ZNF385D: variants seen among roughly 807,000 people sequenced by gnomAD.
ZNF385D encodes zinc finger protein 659.
A neutral mutation model predicts 35.8 loss-of-function variants in ZNF385D; 15 were observed. The observed-to-expected ratio is 0.42, with a 90% confidence interval of 0.28 to 0.64. The LOEUF (loss-of-function observed/expected upper bound fraction) is 0.64, where lower values mean the gene tolerates loss of function less well. ZNF385D is among the 30% of genes least tolerant of loss of function. The pLI is 0.23. For synonymous variants in ZNF385D, 212 were observed against 186.8 expected (o/e 1.13, Z -1.10); for missense variants, 474 against 494.6 (o/e 0.96, Z 0.39).
intron 2 of ZNF385D, among the ~76,000 whole-genome samples, chr3:21,663,561 G>A (rs1049556567): frequency 1.3e-5 from 2 of 151,988 alleles, no homozygotes; most frequent in African/African-American, 2.4e-5. Context: ...GGGGATTTCA[G>A]TGTAGTCATT....
At chr3:21,886,011 G>A (rs983116006) in intron 3 of ZNF385D, among the ~76,000 whole-genome samples, 2 of 151,998 alleles carry the variant, frequency 1.3e-5, no homozygotes. Flanking sequence ...TCTTATCCAA[G>A]AAAAAACACC....
At chr3:22,120,747 C>A (rs780404554) in intron 3 of ZNF385D, among the ~76,000 whole-genome samples, 3 of 152,114 alleles carry the variant, frequency 2.0e-5, no homozygotes, top group Admixed American at 6.6e-5. Context: ...AAAACAAAAA[C>A]CTCTATGAGG....
intron 2 of ZNF385D, among the ~76,000 whole-genome samples, chr3:22,242,726 A>T (rs1299626265): frequency 6.6e-6 from 1 of 151,170 alleles, no homozygotes; most frequent in African/African-American, 2.4e-5. Context: ...CAATCACTAA[A>T]ATATGAATAA....
chr3:22,255,776 A>C (rs1157110415), intron 2 of ZNF385D, among the ~76,000 whole-genome samples: 1 of 147,618 alleles, frequency 6.8e-6, no homozygotes, highest in African/African-American at 2.5e-5. Context: ...TTTAAATTTC[A>C]TATCCTTAAC....
At chr3:21,441,404 C>T (rs150403240) in intron 4 of ZNF385D, among the ~76,000 whole-genome samples, 2 of 152,300 alleles carry the variant, frequency 1.3e-5, no homozygotes, top group East Asian at 1.9e-4. Flanking sequence ...GAGCTGCCAA[C>T]AGGTAACACA....
intron 4 of ZNF385D, among the ~76,000 whole-genome samples, chr3:21,476,150 A>G (rs1704230155): frequency 6.6e-6 from 1 of 152,162 alleles, no homozygotes; most frequent in African/African-American, 2.4e-5. Flanking sequence ...GAAAAGCTGC[A>G]AGCTATGATA....
At chr3:21,595,808 A>G (rs1412429737) in intron 2 of ZNF385D, among the ~76,000 whole-genome samples, 1 of 152,212 alleles carries the variant, frequency 6.6e-6, no homozygotes, top group Non-Finnish European at 1.5e-5. Context: ...GTTTTGAGAC[A>G]TACAACTTCT....
chr3:22,109,868 G>A (rs1388662064), intron 3 of ZNF385D, among the ~76,000 whole-genome samples: 3 of 152,098 alleles, frequency 2.0e-5, no homozygotes, highest in Admixed American at 1.3e-4. Context: ...AAAAATTTTT[G>A]CAATCTACTC....
chr3:21,736,451 C>T (rs1443955353), intron 1 of ZNF385D, among the ~76,000 whole-genome samples: 1 of 152,160 alleles, frequency 6.6e-6, no homozygotes, highest in Non-Finnish European at 1.5e-5. Flanking sequence ...TCTTAATGCC[C>T]ACCGACTGTT....
intron 2 of ZNF385D, among the ~76,000 whole-genome samples, chr3:22,361,459 A>C (rs1696404097): frequency 6.6e-6 from 1 of 152,104 alleles, no homozygotes. Flanking sequence ...AAGTCACTTC[A>C]GCATTCGCAT....
chr3:22,094,385 G>GATATATATATATATATATATATAT (rs140274686), intron 3 of ZNF385D, among the ~76,000 whole-genome samples: 10 of 70,820 alleles, frequency 1.4e-4, no homozygotes, highest in African/African-American at 3.9e-4. Context: ...ATTTATTGTT[G>GATATATATATATATATATATATAT]ATATATATAT....
At chr3:21,995,672 C>A (rs1201935585) in intron 3 of ZNF385D, among the ~76,000 whole-genome samples, 1 of 151,784 alleles carries the variant, frequency 6.6e-6, no homozygotes, top group Non-Finnish European at 1.5e-5. Context: ...AAATGGCATT[C>A]TCAAGCAGTG....
At chr3:21,891,354 C>G (rs1428546917) in intron 3 of ZNF385D, among the ~76,000 whole-genome samples, 1 of 152,066 alleles carries the variant, frequency 6.6e-6, no homozygotes, top group Non-Finnish European at 1.5e-5. Context: ...ATTTTGATAC[C>G]TTAAAGCACA....
intron 3 of ZNF385D, among the ~76,000 whole-genome samples, chr3:22,023,662 T>A (rs1436871224): frequency 6.8e-6 from 1 of 147,998 alleles, no homozygotes; most frequent in Non-Finnish European, 1.5e-5. Context: ...AAGCAATGCT[T>A]TTTTTTTTAT....
chr3:22,140,591 C>T (rs932390857), intron 3 of ZNF385D, among the ~76,000 whole-genome samples: 3 of 152,086 alleles, frequency 2.0e-5, no homozygotes, highest in Non-Finnish European at 4.4e-5. Flanking sequence ...TATACCAAAG[C>T]CAGTTTCCTC....
intron 2 of ZNF385D, among the ~76,000 whole-genome samples, chr3:21,620,661 A>C (rs1357234056): frequency 6.6e-6 from 1 of 152,120 alleles, no homozygotes; most frequent in Non-Finnish European, 1.5e-5. Context: ...AATGCCCTTA[A>C]TCTATTTGAT....
At chr3:21,782,709 A>T (rs2071541533) in intron 3 of ZNF385D, among the ~76,000 whole-genome samples, 1 of 152,168 alleles carries the variant, frequency 6.6e-6, no homozygotes, top group Admixed American at 6.5e-5. Context: ...ATTAAATTGG[A>T]CAAGATTTTT....
At chr3:21,526,589 G>T (rs1302151239) in intron 3 of ZNF385D, among the ~76,000 whole-genome samples, 1 of 152,182 alleles carries the variant, frequency 6.6e-6, no homozygotes, top group Non-Finnish European at 1.5e-5. Flanking sequence ...AAGCAAGAGT[G>T]ATAAGAGCTT....
chr3:22,217,971 T>G (rs1697998716), intron 2 of ZNF385D, among the ~76,000 whole-genome samples: 1 of 152,158 alleles, frequency 6.6e-6, no homozygotes, highest in Non-Finnish European at 1.5e-5. Context: ...CTTTTATGGT[T>G]CTCTTTTACC....
Sources: gnomAD v4.1 joint callset for allele counts (sites outside exome capture counted in the v4.1 genomes callset) on GRCh38, gnomAD v4.1.1 for gene constraint, MANE v1.5 for transcripts, NCBI Gene and HGNC (gene_info 2026-07-23, HGNC 2026-07-21) for gene names.